TNRC6B: variants seen among roughly 807,000 people sequenced by gnomAD.
TNRC6B encodes the protein trinucleotide repeat containing adaptor 6B, also known as trinucleotide repeat-containing gene 6B protein.
Under a neutral mutation model 203.6 loss-of-function variants are expected in TNRC6B, and 52 were observed. The ratio of observed to expected loss-of-function variants is 0.26; its 90% CI spans 0.20 to 0.32. TNRC6B has a LOEUF of 0.32. Ranked by LOEUF, TNRC6B falls within the 10% of genes least tolerant of loss-of-function variation. The pLI is 1.00. For missense variants in TNRC6B, 1,923 were observed against 2,286.2 expected (o/e 0.84, Z 3.24); for synonymous variants, 838 against 845.7 (o/e 0.99, Z 0.16).
At chr22:40,180,011 T>C (rs1601862838) in intron 1 of TNRC6B, among the ~76,000 whole-genome samples, 1 of 152,250 alleles carries the variant, frequency 6.6e-6, no homozygotes, top group Non-Finnish European at 1.5e-5. Flanking sequence ...GTAAATTTTT[T>C]GATGATATAA....
chr22:40,124,674 A>G (rs1274726257), intron 2 of TNRC6B, among the ~76,000 whole-genome samples: 1 of 152,056 alleles, frequency 6.6e-6, no homozygotes, highest in African/African-American at 2.4e-5. Context: ...AGGTTTGTAA[A>G]TATTCATACC....
At chr22:40,280,992 A>G (rs73165091) in intron 10 of TNRC6B, 127 bp from the exon 11 acceptor site, 41,051 of 718,214 alleles carry the variant, frequency 0.057, 1,413 homozygotes, top group Non-Finnish European at 0.07. Flanking sequence ...TCCAAATTCC[A>G]TCCTTGGTTA....
At chr22:40,215,419 A>G (rs943743162) in intron 1 of TNRC6B, among the ~76,000 whole-genome samples, 1 of 152,228 alleles carries the variant, frequency 6.6e-6, no homozygotes, top group Non-Finnish European at 1.5e-5. Flanking sequence ...GGCAGTGCCA[A>G]CGGGGCAGGA....
chr22:40,177,806 G>A (rs182138964), upstream of TNRC6B: 180 of 1,278,152 alleles, frequency 1.4e-4, 1 homozygote, highest in Middle Eastern at 2.3e-3. Context: ...GAGTGGAAAA[G>A]GGCTGCTTCC....
chr22:40,104,339 C>A (rs946306864), intron 1 of TNRC6B, among the ~76,000 whole-genome samples: 1 of 152,006 alleles, frequency 6.6e-6, no homozygotes, highest in Non-Finnish European at 1.5e-5. Context: ...TAGTATTACC[C>A]TCATTTGTTG....
chr22:40,237,952 T>C (rs569263023), intron 1 of TNRC6B, among the ~76,000 whole-genome samples: 119 of 152,220 alleles, frequency 7.8e-4, no homozygotes, highest in Middle Eastern at 3.4e-3. Context: ...CCCAGTCTTA[T>C]ATCCTGATTG....
intron 1 of TNRC6B, among the ~76,000 whole-genome samples, chr22:40,074,931 G>A (rs774215041): frequency 7.9e-5 from 12 of 151,956 alleles, no homozygotes; most frequent in Middle Eastern, 6.8e-3. Context: ...GCACTCCAGC[G>A]TAGGCAACAG....
At chr22:40,103,161 G>A (rs1015990246) in intron 1 of TNRC6B, among the ~76,000 whole-genome samples, 2 of 151,626 alleles carry the variant, frequency 1.3e-5, no homozygotes, top group African/African-American at 2.4e-5. Flanking sequence ...CCAGCTACTC[G>A]GGAGGCTGAG....
chr22:40,287,753 A>C (rs2070807409), intron 12 of TNRC6B, among the ~76,000 whole-genome samples: 1 of 152,242 alleles, frequency 6.6e-6, no homozygotes, highest in African/African-American at 2.4e-5. Context: ...CATCGTGCAC[A>C]GATGGAGAAA....
At chr22:40,121,653 T>G (rs1443472184) in intron 2 of TNRC6B, among the ~76,000 whole-genome samples, 4 of 152,228 alleles carry the variant, frequency 2.6e-5, no homozygotes, top group Non-Finnish European at 4.4e-5. Context: ...TGAGACTGCC[T>G]GCACAGCTGA....
At position 40,330,405 on chromosome 22, in the gene TNRC6B, A is replaced by G. The variant is rs146217496; in HGVS notation, c.*7164A>G. Reference sequence around the variant, plus strand: ...GTGGCTGTAAAAGTTGACTGGAGGCAAAGTGGAGTGGCCTTATTGCCAGGA... The same window carrying G: ...GTGGCTGTAAAAGTTGACTGGAGGCGAAGTGGAGTGGCCTTATTGCCAGGA... On this transcript the variant is annotated 3_prime_UTR_variant, in exon 23 of 23. Transcript: ENST00000454349. The G allele has an allele frequency of 6.6e-6, 1 of 152,370 alleles. No individual in the cohort carries two copies. Among genetic ancestry groups the G allele is most frequent in the Non-Finnish European group, 1.5e-5 (1 of 68,070 alleles). The allele number at this position is 152,370 out of a possible 1,614,324, so 9.4% of individuals were successfully genotyped here. A position where few individuals can be genotyped will look rare whatever the true frequency, so the allele number is the denominator to read the frequency against.
At chr22:40,064,685 C>T (rs1463109031) in intron 1 of TNRC6B, among the ~76,000 whole-genome samples, 4 of 150,302 alleles carry the variant, frequency 2.7e-5, no homozygotes, top group Non-Finnish European at 3.0e-5. Flanking sequence ...GGCACGATCT[C>T]GGCTCACTGC....
At chr22:40,127,582 TATA>T (rs2068504375) in intron 3 of TNRC6B, among the ~76,000 whole-genome samples, 1 of 152,024 alleles carries the variant, frequency 6.6e-6, no homozygotes. Context: ...GATAGTGAAA[TATA>T]ATGTTAAGGA....
chr22:40,266,635 G>T lies in TNRC6B; in HGVS notation c.2405G>T (p.Arg802Ile). ...AAAGGTGGGTGGGAGGATTGCAAAA[G>T]ATCCCCAGCATGGAATGAGACGGGC... ...ASKGGWEDCK[R>I]SPAWNETGRQ... The change falls in exon 5 of 23, where the codon AGA becomes ATA. Residue 802 changes from arginine (R) to isoleucine (I), a missense_variant. Arg to Ile is a moderately conservative substitution (Grantham distance 97). Transcript: ENST00000454349. The T allele has an allele frequency of 1.2e-6, 2 of 1,611,344 alleles. No homozygotes were observed. Among genetic ancestry groups the T allele is most frequent in the Non-Finnish European group, 1.7e-6 (2 of 1,178,294 alleles).
intron 1 of TNRC6B, among the ~76,000 whole-genome samples, chr22:40,193,889 G>A (rs546173213): frequency 2.6e-5 from 4 of 152,230 alleles, no homozygotes; most frequent in East Asian, 1.9e-4. Context: ...AAAGAGAACC[G>A]GCTGCCAGCC....
chr22:40,230,325 T>C (rs1031077013), intron 1 of TNRC6B, among the ~76,000 whole-genome samples: 1 of 149,388 alleles, frequency 6.7e-6, no homozygotes, highest in Non-Finnish European at 1.5e-5. Context: ...GTTCTCACTC[T>C]GTCGCCCAGA....
intron 3 of TNRC6B, among the ~76,000 whole-genome samples, chr22:40,128,572 G>GGCTCACGGCTCACA (rs1555884298): frequency 2.7e-5 from 4 of 146,510 alleles, no homozygotes; most frequent in African/African-American, 1.1e-4. Flanking sequence ...CACGGCTCAC[G>GGCTCACGGCTCACA]GCTCACAGCT....
chr22:40,157,402 T>C (rs1238177365), intron 4 of TNRC6B, among the ~76,000 whole-genome samples: 4 of 152,180 alleles, frequency 2.6e-5, no homozygotes, highest in Admixed American at 2.6e-4. Flanking sequence ...AAGAAAATTA[T>C]GTCTTTAAAA....
intron 3 of TNRC6B, among the ~76,000 whole-genome samples, chr22:40,151,282 G>T (rs772791108): frequency 6.6e-6 from 1 of 151,888 alleles, no homozygotes; most frequent in East Asian, 1.9e-4. Flanking sequence ...AAAATAAATA[G>T]GCCAGGCACC....
Sources: allele counts gnomAD v4.1 joint callset (sites outside exome capture counted in the v4.1 genomes callset), GRCh38; gene constraint gnomAD v4.1.1; transcripts MANE v1.5; gene names NCBI Gene and HGNC (gene_info 2026-07-23, HGNC 2026-07-21).